GTF3A: variants seen among roughly 807,000 people sequenced by gnomAD.
GTF3A encodes the protein transcription factor IIIA.
GTF3A carries 40 observed loss-of-function variants against 37.6 expected under a neutral mutation model. That is an observed-to-expected ratio of 1.06 (90% confidence interval 0.83 to 1.38). The LOEUF is 1.38. Ranked by LOEUF, GTF3A falls within the 40% of genes most tolerant of loss-of-function variation. GTF3A has a pLI of 0.00. For missense variants in GTF3A, 500 were observed against 462.6 expected, an observed-to-expected ratio of 1.08 and a Z score of -0.74; for synonymous variants, 191 against 166.7, an observed-to-expected ratio of 1.15 and a Z score of -1.12.
Position 27,435,166 on chromosome 13 carries a change from C to G in GTF3A, c.907C>G (p.Pro303Ala). ...CACTAGGCATGCTGTTGTACATGAT[C>G]CTGACAAGAAGAAAATGAAGCTCAA... Residue 303 changes from proline to alanine, a missense_variant, in exon 8 of 9, where the codon CCT becomes GCT. Physicochemically the swap from Pro to Ala is conservative, Grantham distance 27 (BLOSUM62 -1). Transcript: ENST00000381140. 2 of 1,600,218 alleles carry G rather than the reference C, an allele frequency of 1.2e-6. No individual in the cohort carries two copies. The highest frequency in any genetic ancestry group is 1.7e-6 in the Non-Finnish European group (2 of 1,176,226).
chr13:27,425,006 T>A, intron 1 of GTF3A, 68 bp downstream of exon 1: 1 of 1,224,372 alleles, frequency 8.2e-7, no homozygotes, highest in Non-Finnish European at 1.1e-6. Flanking sequence ...GCCACTGCAG[T>A]CGTGGCCAGG....
intron 8 of GTF3A, 59 bp from the exon 9 acceptor site, chr13:27,435,374 A>G: frequency 6.5e-7 from 1 of 1,536,222 alleles, no homozygotes; most frequent in Non-Finnish European, 8.9e-7. Context: ...ACTATCGTAA[A>G]ATTAACTCAG....
intron 3 of GTF3A, 21 bp from the exon 4 acceptor site, chr13:27,430,512 C>G: frequency 1.4e-6 from 2 of 1,460,182 alleles, no homozygotes; most frequent in Non-Finnish European, 1.9e-6. Context: ...ATAAGACTAA[C>G]GAGCCTTTAC....
intron 1 of GTF3A, 41 bp from the exon 2 acceptor site, chr13:27,427,051 A>C (rs1343903150): frequency 1.0e-6 from 1 of 971,954 alleles, no homozygotes; most frequent in Non-Finnish European, 1.6e-6. Context: ...AGAGTTACTA[A>C]CTAGTGCAGA....
chr13:27,430,694 G>A, intron 4 of GTF3A, 73 bp downstream of exon 4: 1 of 942,994 alleles, frequency 1.1e-6, no homozygotes, highest in South Asian at 1.4e-5. Context: ...GGGTGGTGTT[G>A]AGCATTGTTT....
At chr13:27,425,752 T>C (rs1057049500) in intron 1 of GTF3A, 9 of 152,176 alleles carry the variant, frequency 5.9e-5, no homozygotes, top group African/African-American at 2.2e-4. Flanking sequence ...CTTCCCAGTT[T>C]TTGGCAGAGC....
In GTF3A at chr13:27,424,669, C is replaced by T. The variant is rs1953585309; in HGVS notation, c.-69C>T. On this transcript the variant is annotated 5_prime_UTR_variant, in exon 1 of 9. Coordinates refer to ENST00000381140, the MANE Select transcript of GTF3A (RefSeq NM_002097.3). Reference sequence around the variant, plus strand: ...TCAGCAGGGAGCCGTGGGCCGGGCGCGCCGGTTCCCGGCACGTGTCTCGGC... The same window carrying T: ...TCAGCAGGGAGCCGTGGGCCGGGCGTGCCGGTTCCCGGCACGTGTCTCGGC... The T allele has an allele frequency of 1.7e-6, 2 of 1,181,428 alleles. No individual in the cohort carries two copies. Among genetic ancestry groups the T allele is most frequent in the South Asian group, 3.9e-5 (2 of 50,822 alleles). 73.2% of individuals were successfully genotyped at this position (1,181,428 alleles called of 1,614,324 possible).
At chr13:27,432,674 TG>T (rs1953667779) in intron 4 of GTF3A, 56 bp from the exon 5 acceptor site, 2 of 1,409,606 alleles carry the variant, frequency 1.4e-6, no homozygotes, top group Non-Finnish European at 2.0e-6. Flanking sequence ...CCATTGACCT[TG>T]AGCGGAGTTC....
rs118004109 is a variant in GTF3A at position 27,433,030 on chromosome 13, G to A, written c.562+226G>A. On this transcript the variant is annotated intron_variant, in intron 5 of 8. Transcript: ENST00000381140. The stretch of plus-strand genomic sequence containing the variant: ...AATGTGTTGTTTGTTCACAACAAGC[G>A]CCTGGTTACACATTACACTGACGAA... 7.2e-5 allele frequency among the ~76,000 whole-genome samples: 11 copies of A among 152,188 alleles called. No homozygotes were observed. In the East Asian group the frequency reaches 1.4e-3, roughly 19 times the overall value.
intron 4 of GTF3A, among the ~76,000 whole-genome samples, chr13:27,431,232 T>C (rs1953654547): frequency 6.6e-6 from 1 of 152,222 alleles, no homozygotes; most frequent in Non-Finnish European, 1.5e-5. Context: ...TCTAAGTGCC[T>C]ATTTTTAAAC....
At position 27,430,672 on chromosome 13, in the gene GTF3A, T is replaced by C. The variant is rs952101853; in HGVS notation, c.488+51T>C. ...GCCTGGATTCTAGGTGTGAATAAGA[T>C]TGGAAATGCAAGGGTGGTGTTGAGC... On this transcript the variant is annotated intron_variant, in intron 4 of 8. Transcript: ENST00000381140. 21 of 1,147,118 alleles carry C rather than the reference T, an allele frequency of 1.8e-5. No individual in the cohort carries two copies. The East Asian group carries it at 2.8e-4, about 16-fold the overall frequency. 71.1% of individuals were successfully genotyped at this position (1,147,118 alleles called of 1,614,324 possible).
Position 27,424,724 on chromosome 13 carries a change from G to A in GTF3A, c.-14G>A, listed in dbSNP as rs1433202958. On this transcript the variant is annotated 5_prime_UTR_variant, in exon 1 of 9. Transcript: ENST00000381140. Reference sequence around the variant, plus strand: ...GGCAGCGCGCCTGGCCCTGGGCTTGGAGGCGCCGGCGCCCTGGATCCGCCG... The same window carrying A: ...GGCAGCGCGCCTGGCCCTGGGCTTGAAGGCGCCGGCGCCCTGGATCCGCCG... 5 of 1,433,818 alleles carry A rather than the reference G, an allele frequency of 3.5e-6. No homozygotes were observed. The South Asian group carries it at 7.3e-5, about 21-fold the overall frequency. 88.8% of individuals were successfully genotyped at this position (1,433,818 alleles called of 1,614,324 possible). A position where few individuals can be genotyped will look rare whatever the true frequency, so the allele number is the denominator to read the frequency against.
chr13:27,434,091 G>GTT (rs772334008), intron 5 of GTF3A, 48 bp from the exon 6 acceptor site: 13 of 802,562 alleles, frequency 1.6e-5, no homozygotes, highest in Admixed American at 8.5e-5. Context: ...TATGGTCAGT[G>GTT]TTTACACTGA....
At chr13:27,432,327 T>C (rs1432210066) in intron 4 of GTF3A, among the ~76,000 whole-genome samples, 1 of 152,188 alleles carries the variant, frequency 6.6e-6, no homozygotes, top group African/African-American at 2.4e-5. Flanking sequence ...GGCAGATGCA[T>C]CTACTGCTGT....
At chr13:27,433,731 A>G (rs958257181) in intron 5 of GTF3A, among the ~76,000 whole-genome samples, 1 of 152,118 alleles carries the variant, frequency 6.6e-6, no homozygotes, top group Non-Finnish European at 1.5e-5. Context: ...AGGCGAGGAT[A>G]GAGCAGGCAG....
rs1366721435 is a variant in GTF3A, at chr13:27,432,725, A to G, written c.489-6A>G. 7 of 1,600,414 alleles carry G rather than the reference A, an allele frequency of 4.4e-6. No individual in the cohort carries two copies. The African/African-American group carries it at 6.7e-5, about 15-fold the overall frequency. ...TTGGCTAATACCTCATGTGTTGCCA[A>G]TGCAGGTGTACCCAGGAAGGATGTG... On this transcript the variant is annotated splice_region_variant and splice_polypyrimidine_tract_variant and intron_variant, in intron 4 of 8. Coordinates refer to ENST00000381140, the MANE Select transcript of GTF3A (RefSeq NM_002097.3).
rs777471878 is a variant in GTF3A, at chr13:27,435,587, C to T, written c.1088C>T (p.Thr363Ile). ...ATGCTCTCGACAGTTGCAGTACTTA[C>T]CCTTGGCTAAGAACTGCACTGCTTT... is the stretch of plus-strand genomic sequence containing the variant. Residue 363 changes from threonine (T) to isoleucine (I), a missense_variant, in exon 9 of 9, where the codon ACC (threonine) becomes ATC (isoleucine). Coordinates refer to ENST00000381140, the MANE Select transcript of GTF3A (RefSeq NM_002097.3). 4.4e-5 allele frequency: 71 copies of T among 1,612,536 alleles called. No individual in the cohort carries two copies. In the South Asian group the frequency reaches 7.8e-4, roughly 18 times the overall value.
At chr13:27,427,003 G>T in intron 1 of GTF3A, 89 bp from the exon 2 acceptor site, 1 of 712,278 alleles carries the variant, frequency 1.4e-6, no homozygotes. Context: ...GAAGCCTGTG[G>T]CCTTAACACT....
intron 4 of GTF3A, among the ~76,000 whole-genome samples, chr13:27,431,627 G>T (rs1953657608): frequency 6.6e-6 from 1 of 152,082 alleles, no homozygotes; most frequent in African/African-American, 2.4e-5. Context: ...GGGGACTTGG[G>T]GTGGGGAGTT....
Sources: gnomAD v4.1 joint callset for allele counts (sites outside exome capture counted in the v4.1 genomes callset) on GRCh38, gnomAD v4.1.1 for gene constraint, MANE v1.5 for transcripts, NCBI Gene and HGNC (gene_info 2026-07-23, HGNC 2026-07-21) for gene names.